The following MYO1G variants were observed in gnomAD, a reference collection of about 807,000 sequenced individuals.
MYO1G encodes unconventional myosin-Ig.
A neutral mutation model predicts 115.3 loss-of-function variants in MYO1G; 65 were observed. The ratio of observed to expected loss-of-function variants is 0.56; its 90% CI spans 0.46 to 0.69. The LOEUF is 0.69. Ranked by LOEUF, MYO1G falls within the 30% of genes least tolerant of loss-of-function variation. MYO1G has a pLI of 0.00. For missense variants in MYO1G, 1,204 were observed against 1,393.5 expected (o/e 0.86, Z 2.16); for synonymous variants, 510 against 552.6 (o/e 0.92, Z 1.08).
At position 44,970,066 on chromosome 7, in the gene MYO1G, C is replaced by G. The variant is rs545754641; in HGVS notation, c.1306G>C (p.Glu436Gln). ...CTCTGCCAGGTGATGCCCTCGCGCT[C>G]GTACTCTTCCTGTTCCTGCTTCAGG... is the stretch of plus-strand genomic sequence containing the variant. ...LILKQEQEEYEREGITWQSVE... is the reference protein window; with the variant it reads ...LILKQEQEEYQREGITWQSVE... The change falls in exon 10 of 22, where the codon GAG becomes CAG. Residue 436 changes from glutamate to glutamine, a missense_variant. Glu to Gln is a conservative substitution (Grantham distance 29). Coordinates refer to ENST00000258787, the MANE Select transcript of MYO1G (RefSeq NM_033054.3). 4 of 1,614,038 alleles carry G rather than the reference C, an allele frequency of 2.5e-6. No homozygotes were observed. The East Asian group carries it at 8.9e-5, about 36-fold the overall frequency.
At chr7:44,970,297 G>A in intron 9 of MYO1G, 143 bp from the exon 10 acceptor site, 1 of 720,362 alleles carries the variant, frequency 1.4e-6, no homozygotes, top group South Asian at 1.7e-5. Flanking sequence ...TGTGGCTTAT[G>A]CATCCCTGCC....
chr7:44,966,089 A>G lies in MYO1G; in HGVS notation c.2141T>C (p.Val714Ala). 3 of 1,612,790 alleles carry G rather than the reference A, an allele frequency of 1.9e-6. No individual in the cohort carries two copies. Among genetic ancestry groups the G allele is most frequent in the South Asian group, 2.2e-5 (2 of 91,072 alleles). The change falls in exon 16 of 22, where the codon GTG becomes GCG. Residue 714 changes from valine (V) to alanine (A), a missense_variant. Val to Ala is a moderately conservative substitution (Grantham distance 64, BLOSUM62 0). Coordinates refer to ENST00000258787, the MANE Select transcript of MYO1G (RefSeq NM_033054.3). The surrounding 1 kb of genome is among the most constrained non-coding windows in gnomAD (Gnocchi z 5.0). ...CCACCTCACCTTCTGCAATAGCAGC[A>G]CAATGATGGGGATGAGGCGGGCTCG... The part of the protein sequence containing the change: ...QSRARLIPII[V>A]LLLQKAWRGT...
Position 44,975,162 on chromosome 7 carries a change from C to G in MYO1G, c.618+12G>C. 2 of 1,614,016 alleles carry G rather than the reference C, an allele frequency of 1.2e-6. No individual in the cohort carries two copies. The highest frequency in any genetic ancestry group is 1.7e-6 in the Non-Finnish European group (2 of 1,179,966). On this transcript the variant is annotated intron_variant, in intron 5 of 21. Coordinates refer to ENST00000258787, the MANE Select transcript of MYO1G (RefSeq NM_033054.3). Reference sequence around the variant, plus strand: ...CCCCATTTTTCCACCTCCCCTTGCCCTCAGGGCTTACTTGGTAGAAGGCGT... The same window carrying G: ...CCCCATTTTTCCACCTCCCCTTGCCGTCAGGGCTTACTTGGTAGAAGGCGT...
At chr7:44,973,371 C>T (rs1794994494) in intron 5 of MYO1G, 1 of 152,112 alleles carries the variant, frequency 6.6e-6, no homozygotes, top group Non-Finnish European at 1.5e-5. Flanking sequence ...GGGCTCTTAC[C>T]TCAGAGCAGA....
Position 44,963,013 on chromosome 7 carries a change from G to A in MYO1G, c.2857C>T (p.Arg953Cys). ...LHRSRPPLDN[R>C]VGELVGVLAA... ...AGCACGCCCACCAGCTCCCCAACGC[G>A]GTTGTCCAATGGCGGCCGGGAGCGG... Residue 953 changes from arginine (R) to cysteine (C), a missense_variant, in exon 21 of 22, where the codon CGC becomes TGC. Transcript: ENST00000258787. The surrounding 1 kb of genome is among the most constrained non-coding windows in gnomAD (Gnocchi z 4.1). The A allele has an allele frequency of 6.5e-7, 1 of 1,533,070 alleles. No individual in the cohort carries two copies. Among genetic ancestry groups the A allele is most frequent in the East Asian group, 2.5e-5 (1 of 40,066 alleles). 95.0% of individuals were successfully genotyped at this position (1,533,070 alleles called of 1,614,324 possible).
intron 3 of MYO1G, 55 bp from the exon 4 acceptor site, chr7:44,975,704 C>G (rs767363497): frequency 2.1e-5 from 31 of 1,493,196 alleles, no homozygotes; most frequent in Non-Finnish European, 2.2e-5. Context: ...CTGGGGAATG[C>G]TGTCTCTGCC....
chr7:44,972,278 T>TACAC (rs1173675721), intron 5 of MYO1G, 53 bp from the exon 6 acceptor site: 3 of 1,270,322 alleles, frequency 2.4e-6, no homozygotes, highest in Non-Finnish European at 3.5e-6. Flanking sequence ...TGTCCCCCTG[T>TACAC]ACACACACAC....
At chr7:44,975,881 G>T (rs1204605082) in intron 3 of MYO1G, among the ~76,000 whole-genome samples, 3 of 152,226 alleles carry the variant, frequency 2.0e-5, no homozygotes, top group African/African-American at 7.2e-5. Context: ...GCTGTGCTCA[G>T]CATGGTCTGT....
Position 44,964,851 on chromosome 7 carries a change from A to G in MYO1G, c.2526+94T>C. The G allele has an allele frequency of 6.7e-7, 1 of 1,501,498 alleles. No individual in the cohort carries two copies. Among genetic ancestry groups the G allele is most frequent in the Non-Finnish European group, 9.0e-7 (1 of 1,115,678 alleles). 93.0% of individuals were successfully genotyped at this position (1,501,498 alleles called of 1,614,324 possible). On this transcript the variant is annotated intron_variant, in intron 18 of 21. Coordinates refer to ENST00000258787, the MANE Select transcript of MYO1G (RefSeq NM_033054.3). This position sits in a 1 kb window ranked among gnomAD's most constrained non-coding sequence, Gnocchi z 5.1. ...GGACAGACAACCCCAGGCCTGGGAG[A>G]GGACATCTGAGGGGACCTGGTCACA...
Position 44,969,740 on chromosome 7 carries a change from G to A in MYO1G, c.1468C>T (p.His490Tyr). ...GTGTAGTGTAGGTGATGGCGGTGGTGCATGTCCAGGGTCTGCAGGAAGATT... is the reference window on the plus strand; with the variant it reads ...GTGTAGTGTAGGTGATGGCGGTGGTACATGTCCAGGGTCTGCAGGAAGATT... ...DRIFLQTLDM[H>Y]HRHHLHYTSR... Residue 490 changes from histidine (H) to tyrosine (Y), a missense_variant, in exon 11 of 22, where the codon CAC (histidine) becomes TAC (tyrosine). His to Tyr is a moderately conservative substitution (Grantham distance 83). Transcript: ENST00000258787. This position sits in a 1 kb window ranked among gnomAD's most constrained non-coding sequence, Gnocchi z 5.0. 6.2e-7 allele frequency: 1 copy of A among 1,610,842 alleles called. No homozygotes were observed. The highest frequency in any genetic ancestry group is 2.2e-5 in the East Asian group (1 of 44,756).
In MYO1G at chr7:44,964,536, G is replaced by T; in HGVS notation, c.2527-17C>A. On this transcript the variant is annotated splice_polypyrimidine_tract_variant and intron_variant, in intron 18 of 21. Coordinates refer to ENST00000258787, the MANE Select transcript of MYO1G (RefSeq NM_033054.3). The surrounding 1 kb of genome is among the most constrained non-coding windows in gnomAD (Gnocchi z 5.1). The stretch of plus-strand genomic sequence containing the variant: ...GTCAGTGGCCTGAGGACAGATGGAG[G>T]GGAGGGGGCGCTGCTTGGGATTGAG... 6.2e-7 allele frequency: 1 copy of T among 1,600,516 alleles called. No individual in the cohort carries two copies. The highest frequency in any genetic ancestry group is 8.6e-7 in the Non-Finnish European group (1 of 1,167,886).
chr7:44,971,672 C>A lies in MYO1G; in HGVS notation c.846+1G>T. On this transcript the variant is annotated splice_donor_variant, in intron 7 of 21. Coordinates refer to ENST00000258787, the MANE Select transcript of MYO1G (RefSeq NM_033054.3). LOFTEE classifies it high-confidence loss of function. ...CTCCCAGGCTTCTGAGCCAGGCTCA[C>A]CAGGTGCAATATGGCAGCCAGGATG... 1 of 1,556,596 alleles carries A rather than the reference C, an allele frequency of 6.4e-7. No homozygotes were observed. Among genetic ancestry groups the A allele is most frequent in the South Asian group, 1.2e-5 (1 of 84,386 alleles).
intron 1 of MYO1G, among the ~76,000 whole-genome samples, chr7:44,978,021 C>T (rs1216514846): frequency 6.6e-6 from 1 of 152,156 alleles, no homozygotes; most frequent in African/African-American, 2.4e-5. Context: ...TGAGGTAGAA[C>T]AATGTGCACA....
At chr7:44,967,308 G>A (rs150536807) in intron 14 of MYO1G, among the ~76,000 whole-genome samples, 83 of 152,300 alleles carry the variant, frequency 5.4e-4, no homozygotes, top group Middle Eastern at 3.4e-3. Flanking sequence ...GCTGGGCTGG[G>A]CCAAGCCAGC....
At position 44,969,154 on chromosome 7, in the gene MYO1G, C is replaced by T; in HGVS notation, c.1574+259G>A. ...CCACAGATGCTGGTATAGGGTTGGG[C>T]CCAGACATGAGACGTGGGTATTTTT... On this transcript the variant is annotated intron_variant, in intron 12 of 21. Coordinates refer to ENST00000258787, the MANE Select transcript of MYO1G (RefSeq NM_033054.3). This position sits in a 1 kb window ranked among gnomAD's most constrained non-coding sequence, Gnocchi z 5.0. 2.3e-6 allele frequency: 1 copy of T among 427,050 alleles called. No individual in the cohort carries two copies. The highest frequency in any genetic ancestry group is 2.3e-5 in the South Asian group (1 of 43,836). The allele number at this position is 427,050 out of a possible 1,614,324, so 26.5% of individuals were successfully genotyped here. A position where few individuals can be genotyped will look rare whatever the true frequency, so the allele number is the denominator to read the frequency against.
In MYO1G at chr7:44,966,247, G is replaced by GT; in HGVS notation, c.1982dup (p.Asn661LysfsTer94). The GT allele has an allele frequency of 6.2e-7, 1 of 1,610,870 alleles. No homozygotes were observed. Reference sequence around the variant, plus strand: ...CTGCCTTGTCGGAGCCCAGCAGGTGGTTGGGCCATGTGTATTCACAGGTCA... The same window carrying GT: ...CTGCCTTGTCGGAGCCCAGCAGGTGGTTTGGGCCATGTGTATTCACAGGTCA... On this transcript the variant is annotated frameshift_variant, in exon 16 of 22. Transcript: ENST00000258787. LOFTEE classifies it high-confidence loss of function. The surrounding 1 kb of genome is among the most constrained non-coding windows in gnomAD (Gnocchi z 5.0).
chr7:44,963,321 G>C lies in MYO1G; in HGVS notation c.2746-197C>G. On this transcript the variant is annotated intron_variant, in intron 20 of 21. Coordinates refer to ENST00000258787, the MANE Select transcript of MYO1G (RefSeq NM_033054.3). The surrounding 1 kb of genome is among the most constrained non-coding windows in gnomAD (Gnocchi z 4.1). ...TGACAGGGGGAAGCTTGGGCGGGAC[G>C]CTGCACAATACGATTTTCTCCAGGA... The C allele has an allele frequency of 1.7e-6, 1 of 578,852 alleles. No homozygotes were observed. Among genetic ancestry groups the C allele is most frequent in the Non-Finnish European group, 2.9e-6 (1 of 344,782 alleles). The allele number at this position is 578,852 out of a possible 1,614,324, so 35.9% of individuals were successfully genotyped here. A position where few individuals can be genotyped will look rare whatever the true frequency, so the allele number is the denominator to read the frequency against.
In MYO1G at chr7:44,976,948, C is replaced by T; in HGVS notation, c.219G>A (p.Glu73=). Reference sequence around the variant, plus strand: ...CCACAGCATAGAGATGGGGTGGCCGCTCATAGAGCTCACGGCCCTGGTACC... The same window carrying T: ...CCACAGCATAGAGATGGGGTGGCCGTTCATAGAGCTCACGGCCCTGGTACC... ...IARYQGRELY[E]RPPHLYAVAN... Residue 73 remains glutamate (E), a synonymous_variant, in exon 2 of 22, where the codon GAG becomes GAA. Transcript: ENST00000258787. The T allele has an allele frequency of 6.2e-7, 1 of 1,613,614 alleles. No individual in the cohort carries two copies. Among genetic ancestry groups the T allele is most frequent in the Non-Finnish European group, 8.5e-7 (1 of 1,180,030 alleles).
intron 3 of MYO1G, 57 bp from the exon 4 acceptor site, chr7:44,975,706 G>C: frequency 6.7e-7 from 1 of 1,491,412 alleles, no homozygotes; most frequent in Non-Finnish European, 9.0e-7. Context: ...GGGGAATGCT[G>C]TCTCTGCCCC....
Sources: gnomAD v4.1 joint callset for allele counts (sites outside exome capture counted in the v4.1 genomes callset) on GRCh38, gnomAD v4.1.1 for gene constraint, Gnocchi (gnomAD v3.1) non-coding constraint, MANE v1.5 for transcripts, NCBI Gene and HGNC (gene_info 2026-07-23, HGNC 2026-07-21) for gene names.